The following URB1 variants were observed in gnomAD, a reference collection of about 807,000 sequenced individuals.
The protein encoded by URB1 is nucleolar pre-ribosomal-associated protein 1.
Under a neutral mutation model 242.3 loss-of-function variants are expected in URB1, and 197 were observed. That is an observed-to-expected ratio of 0.81 (90% CI 0.72 to 0.91). The LOEUF (loss-of-function observed/expected upper bound fraction) is 0.91. URB1 is among the 40% of genes least tolerant of loss of function. The probability of loss-of-function intolerance (pLI) is 0.00; values close to 1 mark genes in which losing one functional copy is unlikely to be tolerated. For missense variants in URB1, 2,721 were observed against 2,860.5 expected (o/e 0.95, Z 1.11); for synonymous variants, 1,153 against 1,201.8 (o/e 0.96, Z 0.84).
intron 37 of URB1, 22 bp downstream of exon 37, chr21:32,317,654 A>C: frequency 6.5e-7 from 1 of 1,550,258 alleles, no homozygotes; most frequent in Non-Finnish European, 8.7e-7. Flanking sequence ...ACTCTGGGCC[A>C]GTCCTGGGTT....
intron 10 of URB1, among the ~76,000 whole-genome samples, chr21:32,363,866 G>A (rs1318998543): frequency 6.6e-6 from 1 of 151,666 alleles, no homozygotes; most frequent in Non-Finnish European, 1.5e-5. Flanking sequence ...TGTTGCCCAG[G>A]CCGGCCTCAA....
At chr21:32,344,146 G>A (rs891754372) in intron 24 of URB1, among the ~76,000 whole-genome samples, 2 of 152,024 alleles carry the variant, frequency 1.3e-5, no homozygotes, top group African/African-American at 4.8e-5. Context: ...TATCCCTCAT[G>A]GACACAGATG....
At chr21:32,372,480 G>A in intron 8 of URB1, 27 bp downstream of exon 8, 2 of 1,547,800 alleles carry the variant, frequency 1.3e-6, no homozygotes, top group East Asian at 2.4e-5. Context: ...TACACACCCT[G>A]GGGTCCACAA....
chr21:32,391,611 CA>C (rs1287846566), intron 1 of URB1, among the ~76,000 whole-genome samples: 1 of 152,134 alleles, frequency 6.6e-6, no homozygotes, highest in African/African-American at 2.4e-5. Flanking sequence ...TCTACCGTAG[CA>C]AATAATAGCC....
chr21:32,377,096 C>A, intron 5 of URB1: 1 of 489,962 alleles, frequency 2.0e-6, no homozygotes, highest in Non-Finnish European at 4.0e-6. Flanking sequence ...AACCTCTACT[C>A]ACATCTTTAA....
intron 3 of URB1, among the ~76,000 whole-genome samples, chr21:32,383,976 G>A (rs1271663009): frequency 6.6e-6 from 1 of 152,178 alleles, no homozygotes; most frequent in African/African-American, 2.4e-5. Flanking sequence ...TACATGCAAG[G>A]CCCTGTTCTA....
At chr21:32,368,638 T>C (rs1474471109) in intron 8 of URB1, 40 bp from the exon 9 acceptor site, 2 of 1,511,884 alleles carry the variant, frequency 1.3e-6, no homozygotes, top group East Asian at 2.5e-5. Flanking sequence ...CAGCAGAAAA[T>C]GGTCAAAGCA....
chr21:32,338,631 C>CA, intron 26 of URB1, 76 bp downstream of exon 26: 1 of 1,485,702 alleles, frequency 6.7e-7, no homozygotes. Context: ...GGGAGATGAG[C>CA]CTCAGTGCAG....
intron 13 of URB1, 29 bp downstream of exon 13, chr21:32,360,978 C>T (rs1231073999): frequency 1.3e-5 from 20 of 1,481,648 alleles, no homozygotes; most frequent in South Asian, 2.5e-5. Flanking sequence ...GCAACAGTGG[C>T]GGCTTGTCTG....
chr21:32,378,502 G>C lies in URB1; in HGVS notation c.607C>G (p.Leu203Val). 1 of 1,551,678 alleles carries C rather than the reference G, an allele frequency of 6.4e-7. No individual in the cohort carries two copies. The highest frequency in any genetic ancestry group is 1.2e-5 in the South Asian group (1 of 84,052). Residue 203 changes from leucine (L) to valine (V), a missense_variant, in exon 5 of 39, where the codon CTC (leucine) becomes GTC (valine). Leu to Val is a conservative substitution (Grantham distance 32). Transcript: ENST00000382751. ...DVRQAYVQFA[L>V]SFLIAGDDST... ...TCATCACCCGCAATTAAAAAGGAGA[G>C]AGCAAACTGAACGTAGGCCTGCCGA... is the stretch of plus-strand genomic sequence containing the variant.
rs1345630229 is a variant in URB1 at position 32,361,024 on chromosome 21, A to G, written c.1739T>C (p.Phe580Ser). The change falls in exon 13 of 39, where the codon TTC (phenylalanine) becomes TCC (serine). Residue 580 changes from phenylalanine to serine, a missense_variant. By Grantham distance (155) the Phe-to-Ser change is radical. Coordinates refer to ENST00000382751, the MANE Select transcript of URB1 (RefSeq NM_014825.3). ...AAACCCACCTTTCAGGAGCTTGCTG[A>G]AGTCAAAGTTGTACTGCATGACCAC... is the stretch of plus-strand genomic sequence containing the variant. Reference protein sequence around the residue: ...PHVVMQYNFDFSKLLKGVISE... With the variant: ...PHVVMQYNFDSSKLLKGVISE... 1 of 1,550,000 alleles carries G rather than the reference A, an allele frequency of 6.5e-7. No homozygotes were observed. Among genetic ancestry groups the G allele is most frequent in the East Asian group, 2.4e-5 (1 of 40,906 alleles).
intron 2 of URB1, among the ~76,000 whole-genome samples, chr21:32,385,165 A>T (rs1220009344): frequency 6.6e-6 from 1 of 152,222 alleles, no homozygotes; most frequent in Non-Finnish European, 1.5e-5. Flanking sequence ...CAGGCGCATC[A>T]ATATCCCAAT....
intron 25 of URB1, 115 bp downstream of exon 25, chr21:32,341,351 T>A: frequency 9.8e-7 from 1 of 1,018,896 alleles, no homozygotes; most frequent in Non-Finnish European, 1.4e-6. Context: ...AAAAACGAGG[T>A]GACATCGGCT....
intron 25 of URB1, among the ~76,000 whole-genome samples, chr21:32,339,488 T>C (rs2033002914): frequency 6.6e-6 from 1 of 151,534 alleles, no homozygotes; most frequent in Non-Finnish European, 1.5e-5. Context: ...ATTTTCTTTT[T>C]TTTTTCTTTT....
chr21:32,381,209 G>A (rs1473480976), intron 4 of URB1, among the ~76,000 whole-genome samples: 1 of 152,126 alleles, frequency 6.6e-6, no homozygotes, highest in African/African-American at 2.4e-5. Context: ...CCCACCCTGT[G>A]ACCTCACAGG....
intron 13 of URB1, among the ~76,000 whole-genome samples, chr21:32,360,191 C>T (rs904855769): frequency 1.3e-5 from 2 of 152,192 alleles, no homozygotes; most frequent in African/African-American, 4.8e-5. Context: ...CAGCTGGAAT[C>T]AGGCACCCAC....
intron 12 of URB1, among the ~76,000 whole-genome samples, 160 bp from the exon 13 acceptor site, chr21:32,361,283 C>T (rs1286615800): frequency 1.3e-5 from 2 of 152,192 alleles, no homozygotes; most frequent in African/African-American, 4.8e-5. Flanking sequence ...CTGCAGCCAA[C>T]TGCATGCTGT....
Position 32,325,312 on chromosome 21 carries a change from G to A in URB1, c.5038C>T (p.Pro1680Ser), listed in dbSNP as rs765980243. 1.9e-6 allele frequency: 3 copies of A among 1,551,704 alleles called. No homozygotes were observed. In the South Asian group the frequency reaches 3.6e-5, roughly 18 times the overall value. ...LTVTALSSYD[P>S]QMRAIAYHVL... Reference sequence around the variant, plus strand: ...TGGTAGGCTATGGCTCGCATCTGGGGGTCATAGCTGCTGAGGGCTGTGACA... The same window carrying A: ...TGGTAGGCTATGGCTCGCATCTGGGAGTCATAGCTGCTGAGGGCTGTGACA... The change falls in exon 31 of 39, where the codon CCC (proline) becomes TCC (serine). Residue 1680 changes from proline (P) to serine (S), a missense_variant. Pro to Ser is a moderately conservative substitution (Grantham distance 74, BLOSUM62 -1). Coordinates refer to ENST00000382751, the MANE Select transcript of URB1 (RefSeq NM_014825.3).
Position 32,311,762 on chromosome 21 carries a change from G to A in URB1, c.*3156C>T, listed in dbSNP as rs779122471. The A allele has an allele frequency of 1.7e-5, 28 of 1,614,012 alleles. No individual in the cohort carries two copies. Among genetic ancestry groups the A allele is most frequent in the East Asian group, 6.7e-5 (3 of 44,890 alleles). On this transcript the variant is annotated 3_prime_UTR_variant, in exon 39 of 39. Coordinates refer to ENST00000382751, the MANE Select transcript of URB1 (RefSeq NM_014825.3). ...ACCTCTGCATCCAGAAGTGCCTGCC[G>A]TGCCACAGGGAACCCCTGGCAACCT...
Sources: allele counts gnomAD v4.1 joint callset (sites outside exome capture counted in the v4.1 genomes callset), GRCh38; gene constraint gnomAD v4.1.1; transcripts MANE v1.5; gene names NCBI Gene and HGNC (gene_info 2026-07-23, HGNC 2026-07-21).